Variants in UBQLN1 observed in about 807,000 individuals in gnomAD.
UBQLN1 encodes ubiquilin-1.
UBQLN1 carries 13 observed loss-of-function variants against 65.4 expected under a neutral mutation model. That is an observed-to-expected ratio of 0.20 (90% confidence interval 0.13 to 0.32). The LOEUF (loss-of-function observed/expected upper bound fraction) is 0.32, where lower values mean the gene tolerates loss of function less well. Ranked by LOEUF, UBQLN1 falls within the 10% of genes least tolerant of loss-of-function variation. UBQLN1 has a pLI of 1.00. For synonymous variants in UBQLN1, 267 were observed against 247.8 expected (o/e 1.08, Z -0.73); for missense variants, 561 against 724.0 (o/e 0.77, Z 2.58).
chr9:83,689,413 T>G (rs1248148004), intron 1 of UBQLN1, among the ~76,000 whole-genome samples: 1 of 152,150 alleles, frequency 6.6e-6, no homozygotes, highest in Non-Finnish European at 1.5e-5. Flanking sequence ...TGGGCAAAAA[T>G]GAATTAGTAA....
At chr9:83,668,681 C>T (rs527549791) in intron 7 of UBQLN1, 10 of 960,988 alleles carry the variant, frequency 1.0e-5, no homozygotes, top group African/African-American at 8.8e-5. Context: ...GACCTGTATA[C>T]GATTTTCAGC....
chr9:83,682,826 T>G lies in UBQLN1; in HGVS notation c.448+125A>C, dbSNP rs73648570. 325 of 488,294 alleles carry G rather than the reference T, an allele frequency of 6.7e-4. 1 individual carries two copies. Among genetic ancestry groups the G allele is most frequent in the African/African-American group, 6.0e-3 (304 of 50,340 alleles). 30.2% of individuals were successfully genotyped at this position (488,294 alleles called of 1,614,324 possible). ...TATCTACAATTATAGGAATGTATGT[T>G]TTTTTTTTTTAATTTTTGTTGTTAA... is the stretch of plus-strand genomic sequence containing the variant. On this transcript the variant is annotated intron_variant, in intron 3 of 10. Transcript: ENST00000376395.
chr9:83,705,861 C>G (rs1385008528), intron 1 of UBQLN1, among the ~76,000 whole-genome samples: 4 of 144,152 alleles, frequency 2.8e-5, no homozygotes, highest in Non-Finnish European at 6.1e-5. Context: ...CAGAAAAATA[C>G]ACACAGTACT....
intron 8 of UBQLN1, among the ~76,000 whole-genome samples, chr9:83,665,590 T>A (rs1284174325): frequency 6.6e-6 from 1 of 152,208 alleles, no homozygotes; most frequent in African/African-American, 2.4e-5. Context: ...CAGTTCCAAA[T>A]TTGACGTTAA....
chr9:83,683,545 C>A (rs1587651264), intron 2 of UBQLN1, among the ~76,000 whole-genome samples: 1 of 150,268 alleles, frequency 6.7e-6, no homozygotes, highest in South Asian at 2.1e-4. Flanking sequence ...ACAAAAAATA[C>A]AAAATAAAAT....
chr9:83,705,727 G>A (rs1832392135), intron 1 of UBQLN1, among the ~76,000 whole-genome samples: 1 of 152,098 alleles, frequency 6.6e-6, no homozygotes, highest in African/African-American at 2.4e-5. Context: ...ACAGTGAATA[G>A]ATTAATTATG....
At chr9:83,684,396 T>C (rs1239124371) in intron 2 of UBQLN1, among the ~76,000 whole-genome samples, 2 of 151,932 alleles carry the variant, frequency 1.3e-5, no homozygotes, top group African/African-American at 4.8e-5. Context: ...CGTTTCACCA[T>C]GTTTACCACG....
chr9:83,706,094 C>A (rs1418235260), intron 1 of UBQLN1, among the ~76,000 whole-genome samples: 1 of 151,038 alleles, frequency 6.6e-6, no homozygotes, highest in East Asian at 2.0e-4. Context: ...GGAATGGCAA[C>A]CATATGCATT....
chr9:83,694,362 A>G (rs149286302), intron 1 of UBQLN1, among the ~76,000 whole-genome samples: 7 of 126,370 alleles, frequency 5.5e-5, no homozygotes, highest in African/African-American at 2.3e-4. Flanking sequence ...TCCTTACTCA[A>G]TATTGCTAAT....
intron 1 of UBQLN1, among the ~76,000 whole-genome samples, chr9:83,701,786 T>C (rs1288923621): frequency 7.0e-6 from 1 of 142,250 alleles, no homozygotes; most frequent in African/African-American, 2.6e-5. Flanking sequence ...ACATAGAGCT[T>C]TGACCCAGCA....
Position 83,665,049 on chromosome 9 carries a change from C to A in UBQLN1, c.1429G>T (p.Ala477Ser). ...GCCTACCCTGGGATGAGGCCCGGGGCTTCCGTTGCTAATGTCTGTAAACCC... is the reference window on the plus strand; with the variant it reads ...GCCTACCCTGGGATGAGGCCCGGGGATTCCGTTGCTAATGTCTGTAAACCC... Reference protein sequence around the residue: ...QQGLQTLATEAPGLIPGFTPG... With the variant: ...QQGLQTLATESPGLIPGFTPG... Residue 477 changes from alanine (A) to serine (S), a missense_variant, in exon 9 of 11, where the codon GCC becomes TCC. By Grantham distance (99) the Ala-to-Ser change is moderately conservative. Transcript: ENST00000376395. 6.2e-7 allele frequency: 1 copy of A among 1,613,150 alleles called. No individual in the cohort carries two copies. The highest frequency in any genetic ancestry group is 8.5e-7 in the Non-Finnish European group (1 of 1,179,704).
Position 83,707,839 on chromosome 9 carries a change from G to T in UBQLN1, c.-160C>A. 5.3e-6 allele frequency: 6 copies of T among 1,135,322 alleles called. No homozygotes were observed. The highest frequency in any genetic ancestry group is 7.1e-6 in the Non-Finnish European group (6 of 847,362). The allele number at this position is 1,135,322 out of a possible 1,614,324, so 70.3% of individuals were successfully genotyped here. ...CGCAGGGCCACCGTAGCGGGTGTGGGGCCCCGGAGCTCGGTGCAGGCTCTG... is the reference window on the plus strand; with the variant it reads ...CGCAGGGCCACCGTAGCGGGTGTGGTGCCCCGGAGCTCGGTGCAGGCTCTG... On this transcript the variant is annotated 5_prime_UTR_variant, in exon 1 of 11. Coordinates refer to ENST00000376395, the MANE Select transcript of UBQLN1 (RefSeq NM_013438.5).
At position 83,665,067 on chromosome 9, in the gene UBQLN1, G is replaced by GT; in HGVS notation, c.1410dup (p.Gln471ThrfsTer31). ...CCCGGGGCTTCCGTTGCTAATGTCT[G>GT]TAAACCCTGCTGAATCTGTAACAAG... On this transcript the variant is annotated frameshift_variant, in exon 9 of 11. Coordinates refer to ENST00000376395, the MANE Select transcript of UBQLN1 (RefSeq NM_013438.5). LOFTEE classifies it high-confidence loss of function. 1 of 1,613,536 alleles carries GT rather than the reference G, an allele frequency of 6.2e-7. No homozygotes were observed. The highest frequency in any genetic ancestry group is 8.5e-7 in the Non-Finnish European group (1 of 1,179,860).
chr9:83,668,783 A>C (rs1831683871), intron 7 of UBQLN1: 1 of 304,410 alleles, frequency 3.3e-6, no homozygotes, highest in South Asian at 1.3e-4. Flanking sequence ...TCTGAGCATG[A>C]CTATTATAAT....
At chr9:83,681,316 G>A (rs916430278) in intron 3 of UBQLN1, among the ~76,000 whole-genome samples, 3 of 152,164 alleles carry the variant, frequency 2.0e-5, no homozygotes, top group Admixed American at 2.0e-4. Flanking sequence ...CACTTACTGA[G>A]CACTTTTTAT....
At chr9:83,669,051 G>A (rs1275360941) in intron 7 of UBQLN1, 134 bp downstream of exon 7, 1 of 1,027,780 alleles carries the variant, frequency 9.7e-7, no homozygotes, top group Non-Finnish European at 1.3e-6. Context: ...CTAAAAAATT[G>A]GAGACACAGT....
chr9:83,663,961 T>A lies in UBQLN1; in HGVS notation c.1531A>T (p.Thr511Ser), dbSNP rs768920236. The A allele has an allele frequency of 6.2e-7, 1 of 1,614,074 alleles. No individual in the cohort carries two copies. Among genetic ancestry groups the A allele is most frequent in the Non-Finnish European group, 8.5e-7 (1 of 1,180,028 alleles). Reference sequence around the variant, plus strand: ...TCAGTGGTTCCTGCTGTGGGACTTGTGTTTTCACTAGGTGTGGCGTTAGAT... The same window carrying A: ...TCAGTGGTTCCTGCTGTGGGACTTGAGTTTTCACTAGGTGTGGCGTTAGAT... ...NGSNATPSEN[T>S]SPTAGTTEPG... is the part of the protein sequence containing the mutation. The change falls in exon 10 of 11, where the codon ACA (threonine) becomes TCA (serine). Residue 511 changes from threonine (T) to serine (S), a missense_variant. By Grantham distance (58) the Thr-to-Ser change is moderately conservative. Coordinates refer to ENST00000376395, the MANE Select transcript of UBQLN1 (RefSeq NM_013438.5).
intron 5 of UBQLN1, 39 bp from the exon 6 acceptor site, chr9:83,678,000 T>G (rs1326407509): frequency 6.7e-7 from 1 of 1,500,290 alleles, no homozygotes; most frequent in Non-Finnish European, 9.0e-7. Flanking sequence ...AGAATAAGCT[T>G]TTGTTTTAAA....
At chr9:83,704,049 G>C (rs1832356058) in intron 1 of UBQLN1, among the ~76,000 whole-genome samples, 1 of 152,090 alleles carries the variant, frequency 6.6e-6, no homozygotes, top group Non-Finnish European at 1.5e-5. Flanking sequence ...ATAGAAAACG[G>C]AATTTGTCTG....
Sources: gnomAD v4.1 joint callset for allele counts (sites outside exome capture counted in the v4.1 genomes callset) on GRCh38, gnomAD v4.1.1 for gene constraint, MANE v1.5 for transcripts, NCBI Gene and HGNC (gene_info 2026-07-23, HGNC 2026-07-21) for gene names.